ARL15: variants seen among roughly 807,000 people sequenced by gnomAD.
ARL15 encodes the protein ARF like GTPase 15, also known as ADP-ribosylation factor-like protein 15.
ARL15 carries 19 observed loss-of-function variants against 25.2 expected under a neutral mutation model. The observed-to-expected ratio is 0.75, with a 90% confidence interval of 0.53 to 1.10. ARL15 has a LOEUF of 1.10. ARL15 is among the 50% of genes least tolerant of loss of function. The pLI is 0.00. For synonymous variants in ARL15, 94 were observed against 86.8 expected, an observed-to-expected ratio of 1.08 and a Z score of -0.46; for missense variants, 220 against 246.0, an observed-to-expected ratio of 0.89 and a Z score of 0.71.
intron 4 of ARL15, among the ~76,000 whole-genome samples, chr5:53,928,853 G>A (rs747527595): frequency 2.6e-5 from 4 of 152,066 alleles, no homozygotes; most frequent in South Asian, 4.2e-4. Flanking sequence ...AACCAATGCC[G>A]AGTCCACGCT....
At chr5:53,964,718 A>G (rs1357115535) in intron 4 of ARL15, among the ~76,000 whole-genome samples, 1 of 152,216 alleles carries the variant, frequency 6.6e-6, no homozygotes, top group Non-Finnish European at 1.5e-5. Context: ...TCCCTGAGAT[A>G]GTAGGGATTT....
chr5:54,302,870 C>T (rs1045217728), intron 1 of ARL15, among the ~76,000 whole-genome samples: 1 of 151,778 alleles, frequency 6.6e-6, no homozygotes, highest in African/African-American at 2.4e-5. Flanking sequence ...TTCTTAGACT[C>T]ATCCAAACAC....
intron 1 of ARL15, among the ~76,000 whole-genome samples, chr5:54,182,627 T>C (rs1234599657): frequency 1.3e-5 from 2 of 149,112 alleles, no homozygotes; most frequent in Non-Finnish European, 3.0e-5. Context: ...GACTTGGCGA[T>C]GCGGGCTCTT....
chr5:54,174,434 C>T (rs1221104758), intron 1 of ARL15, among the ~76,000 whole-genome samples: 1 of 152,118 alleles, frequency 6.6e-6, no homozygotes, highest in Non-Finnish European at 1.5e-5. Context: ...GTCCTAAATT[C>T]ACTTTTCCTC....
intron 4 of ARL15, among the ~76,000 whole-genome samples, chr5:54,025,285 A>AC (rs1418088006): frequency 6.7e-6 from 1 of 148,690 alleles, no homozygotes; most frequent in Middle Eastern, 3.2e-3. Flanking sequence ...AGACAAAGGG[A>AC]CCAAAAAAAA....
chr5:54,139,498 C>T (rs1273659645), intron 3 of ARL15, among the ~76,000 whole-genome samples: 1 of 152,062 alleles, frequency 6.6e-6, no homozygotes, highest in African/African-American at 2.4e-5. Flanking sequence ...GTACAATGAA[C>T]TTTGGAGACT....
chr5:54,304,682 T>C (rs371373100), intron 1 of ARL15, among the ~76,000 whole-genome samples: 2 of 152,186 alleles, frequency 1.3e-5, no homozygotes, highest in East Asian at 3.9e-4. Context: ...GCTCAGATAA[T>C]TTTTATCTTA....
At chr5:54,227,654 C>T (rs557361950) in intron 1 of ARL15, among the ~76,000 whole-genome samples, 23 of 152,218 alleles carry the variant, frequency 1.5e-4, no homozygotes, top group Non-Finnish European at 2.9e-4. Context: ...CAAAGTCACA[C>T]AGGGCAGCTA....
intron 4 of ARL15, among the ~76,000 whole-genome samples, chr5:54,033,422 C>A (rs1285887069): frequency 6.6e-6 from 1 of 152,134 alleles, no homozygotes; most frequent in Non-Finnish European, 1.5e-5. Context: ...GTGATCCCAG[C>A]ACTTTGGGAG....
At chr5:54,064,904 T>C (rs549804075) in intron 4 of ARL15, among the ~76,000 whole-genome samples, 4 of 152,166 alleles carry the variant, frequency 2.6e-5, no homozygotes, top group South Asian at 2.1e-4. Context: ...TATACTTGAG[T>C]TCCACAGGAA....
chr5:54,079,847 G>GT (rs1299207841), intron 4 of ARL15, among the ~76,000 whole-genome samples: 2 of 151,972 alleles, frequency 1.3e-5, no homozygotes, highest in Non-Finnish European at 2.9e-5. Context: ...GCACATGCCT[G>GT]TAATACCAGC....
At chr5:54,179,279 T>G (rs1351823217) in intron 1 of ARL15, among the ~76,000 whole-genome samples, 2 of 152,120 alleles carry the variant, frequency 1.3e-5, no homozygotes, top group Non-Finnish European at 2.9e-5. Context: ...GAGCCAGGGT[T>G]ATTCCACTCC....
At chr5:54,098,693 C>T (rs1402429028) in intron 4 of ARL15, among the ~76,000 whole-genome samples, 1 of 152,152 alleles carries the variant, frequency 6.6e-6, no homozygotes, top group Admixed American at 6.5e-5. Context: ...GATGGGGTTT[C>T]CTCCTCTTCT....
At chr5:54,294,775 T>C (rs1758423687) in intron 1 of ARL15, among the ~76,000 whole-genome samples, 1 of 152,262 alleles carries the variant, frequency 6.6e-6, no homozygotes, top group Non-Finnish European at 1.5e-5. Flanking sequence ...TAGAAGCATA[T>C]GTATTTGTTA....
At chr5:54,139,159 C>G (rs1753695697) in intron 3 of ARL15, among the ~76,000 whole-genome samples, 1 of 152,182 alleles carries the variant, frequency 6.6e-6, no homozygotes, top group Admixed American at 6.5e-5. Flanking sequence ...AGTCCCACTA[C>G]TAGGTATCTA....
chr5:54,137,421 T>C (rs897417886), intron 3 of ARL15, among the ~76,000 whole-genome samples: 1 of 152,164 alleles, frequency 6.6e-6, no homozygotes, highest in African/African-American at 2.4e-5. Flanking sequence ...TTTTAGGGTA[T>C]AACCTGACAT....
intron 1 of ARL15, among the ~76,000 whole-genome samples, chr5:54,303,436 G>A (rs1025414952): frequency 2.6e-4 from 39 of 152,140 alleles, no homozygotes; most frequent in Non-Finnish European, 3.5e-4. Flanking sequence ...GCTTGAACCC[G>A]GGAGGCAGAG....
chr5:54,050,945 A>C (rs574395369), intron 4 of ARL15, among the ~76,000 whole-genome samples: 19 of 152,210 alleles, frequency 1.2e-4, no homozygotes, highest in Non-Finnish European at 2.2e-4. Flanking sequence ...GTGATTTTAA[A>C]CTATAAAGTA....
At chr5:53,904,721 T>A (rs1745184964) in intron 4 of ARL15, among the ~76,000 whole-genome samples, 1 of 148,998 alleles carries the variant, frequency 6.7e-6, no homozygotes, top group African/African-American at 2.5e-5. Context: ...TTAAAATAAA[T>A]TATTTATTTT....
Sources: gnomAD v4.1 joint callset for allele counts (sites outside exome capture counted in the v4.1 genomes callset) on GRCh38, gnomAD v4.1.1 for gene constraint, MANE v1.5 for transcripts, NCBI Gene and HGNC (gene_info 2026-07-23, HGNC 2026-07-21) for gene names.